The following SCML2 variants were observed in gnomAD, a reference collection of about 807,000 sequenced individuals.
SCML2 encodes Scm polycomb group protein like 2.
In SCML2, 6 loss-of-function variants were observed where a neutral mutation model predicts 48.4. The ratio of observed to expected loss-of-function variants is 0.12; its 90% CI spans 0.07 to 0.24. SCML2 has a LOEUF of 0.24. SCML2 is among the 10% of genes least tolerant of loss of function. The pLI, the probability that SCML2 is intolerant of heterozygous loss-of-function variation, is 1.00. For missense variants in SCML2, 377 were observed against 528.2 expected (o/e 0.71, Z 2.81); for synonymous variants, 181 against 189.5 (o/e 0.95, Z 0.37).
rs1053750366 is a variant in SCML2, at chrX:18,296,203, C to T, written c.730+8769G>A. On this transcript the variant is annotated intron_variant, in intron 7 of 14. Transcript: ENST00000251900. ...TACAAGAGAACACAGATAAATAATA[C>T]AAAGAAATGAGAAAAACAATTCAGG... 3.6e-5 allele frequency among the ~76,000 whole-genome samples: 4 copies of T among 110,179 alleles called. No individual in the cohort carries two copies. The Admixed American group carries it at 3.9e-4, about 11-fold the overall frequency.
In SCML2 at chrX:18,240,869, A is replaced by G. The variant is rs977761542; in HGVS notation, c.*382T>C. 7.9e-5 allele frequency: 9 copies of G among 113,296 alleles called. No individual in the cohort carries two copies. The highest frequency in any genetic ancestry group is 9.3e-5 in the Non-Finnish European group (5 of 53,707). The allele number at this position is 113,296 out of a possible 1,213,427, so 9.3% of individuals were successfully genotyped here. A position where few individuals can be genotyped will look rare whatever the true frequency, so the allele number is the denominator to read the frequency against. On this transcript the variant is annotated 3_prime_UTR_variant, in exon 15 of 15. Transcript: ENST00000251900. ...AATCCCTGATATTTTCCCCTTTGGG[A>G]TTTAGCTGTTTTGGTTCTAGATATA... is the stretch of plus-strand genomic sequence containing the variant.
chrX:18,252,006 GC>G (rs970270876), intron 11 of SCML2, among the ~76,000 whole-genome samples: 1 of 112,587 alleles, frequency 8.9e-6, no homozygotes, highest in Non-Finnish European at 1.9e-5. Flanking sequence ...GGGCACAGTG[GC>G]TCACACCTGT....
intron 6 of SCML2, among the ~76,000 whole-genome samples, chrX:18,314,771 T>C (rs762160820): frequency 9.0e-6 from 1 of 111,342 alleles, no homozygotes; most frequent in African/African-American, 3.3e-5. Flanking sequence ...CATACAAAGA[T>C]TGGGATATAT....
chrX:18,295,171 C>A (rs1158978011), intron 7 of SCML2, among the ~76,000 whole-genome samples: 1 of 111,957 alleles, frequency 8.9e-6, no homozygotes, highest in Non-Finnish European at 1.9e-5. Flanking sequence ...CACACTTGCT[C>A]TGCCTGCTCA....
Position 18,260,274 on chromosome X carries a change from C to A in SCML2, c.966G>T (p.Val322=). The change falls in exon 9 of 15, where the codon GTG becomes GTT. Residue 322 remains valine (V), a synonymous_variant. Coordinates refer to ENST00000251900, the MANE Select transcript of SCML2 (RefSeq NM_006089.3). ...NSGKKEKPLP[V]ICSTSAASLK... is the part of the protein sequence containing the mutation. ...GAGAAGCTGCAGATGTAGAACATAT[C>A]ACGGGCAAAGGTTTTTCCTGTTAAA... is the stretch of plus-strand genomic sequence containing the variant. The A allele has an allele frequency of 1.7e-6, 2 of 1,197,953 alleles. No individual in the cohort carries two copies. Among genetic ancestry groups the A allele is most frequent in the Non-Finnish European group, 2.3e-6 (2 of 888,233 alleles).
rs1459960887 is a variant in SCML2 at position 18,282,225 on chromosome X, A to C, written c.731-16423T>G. ...AAATAAACATGATTGATAGACCACT[A>C]GCTAGGTTAACAAAGAAAAAAAAAG... On this transcript the variant is annotated intron_variant, in intron 7 of 14. Transcript: ENST00000251900. 5.4e-5 allele frequency among the ~76,000 whole-genome samples: 6 copies of C among 111,580 alleles called. No individual in the cohort carries two copies. The Admixed American group carries it at 5.7e-4, about 11-fold the overall frequency.
At chrX:18,271,705 C>T (rs1927469432) in intron 7 of SCML2, among the ~76,000 whole-genome samples, 1 of 108,542 alleles carries the variant, frequency 9.2e-6, no homozygotes, top group African/African-American at 3.4e-5. Flanking sequence ...TAGTATCAGA[C>T]TCCATATATA....
At chrX:18,341,931 T>C (rs1291410290) in intron 1 of SCML2, among the ~76,000 whole-genome samples, 3 of 112,300 alleles carry the variant, frequency 2.7e-5, no homozygotes, top group Non-Finnish European at 3.8e-5. Context: ...TACTATAATC[T>C]ATTGGTAAAT....
intron 13 of SCML2, among the ~76,000 whole-genome samples, chrX:18,244,573 T>C (rs949558802): frequency 1.8e-5 from 2 of 111,762 alleles, no homozygotes; most frequent in African/African-American, 6.5e-5. Context: ...TCAGAGAAGT[T>C]TGCAAGCATT....
At chrX:18,280,707 ATTC>A (rs1405191395) in intron 7 of SCML2, among the ~76,000 whole-genome samples, 1 of 112,146 alleles carries the variant, frequency 8.9e-6, no homozygotes, top group African/African-American at 3.2e-5. Context: ...AGGAGTCGCT[ATTC>A]TTATATCAGA....
chrX:18,261,433 T>C (rs1484166439), intron 8 of SCML2, among the ~76,000 whole-genome samples: 1 of 109,914 alleles, frequency 9.1e-6, no homozygotes, highest in East Asian at 2.8e-4. Flanking sequence ...ACACTGCAAA[T>C]TGAATAAAGG....
intron 7 of SCML2, among the ~76,000 whole-genome samples, chrX:18,275,289 G>T: frequency 8.9e-6 from 1 of 112,145 alleles, no homozygotes; most frequent in Non-Finnish European, 1.9e-5. Flanking sequence ...ATCTGCTCAG[G>T]CTTCCATTCT....
intron 7 of SCML2, among the ~76,000 whole-genome samples, chrX:18,300,786 G>A (rs1396739637): frequency 1.6e-4 from 16 of 99,656 alleles, no homozygotes; most frequent in East Asian, 3.1e-4. Flanking sequence ...GCAAGACTCC[G>A]TTTCAAAAAA....
At chrX:18,270,774 A>C (rs142602101) in intron 7 of SCML2, among the ~76,000 whole-genome samples, 4,339 of 111,479 alleles carry the variant, frequency 0.039, 229 homozygotes, top group African/African-American at 0.13. Context: ...TGTTTAAATA[A>C]GGTTAAAACT....
At chrX:18,284,258 A>C (rs1421545280) in intron 7 of SCML2, among the ~76,000 whole-genome samples, 1 of 112,269 alleles carries the variant, frequency 8.9e-6, no homozygotes, top group African/African-American at 3.2e-5. Context: ...CATATACAAA[A>C]ATTAACTCAA....
At chrX:18,310,673 T>C (rs985149162) in intron 6 of SCML2, among the ~76,000 whole-genome samples, 3 of 108,577 alleles carry the variant, frequency 2.8e-5, no homozygotes, top group Non-Finnish European at 5.7e-5. Flanking sequence ...TGGACTCAAA[T>C]CTCCTGGGCT....
intron 5 of SCML2, among the ~76,000 whole-genome samples, chrX:18,320,726 C>G (rs1226295868): frequency 9.0e-6 from 1 of 111,105 alleles, no homozygotes; most frequent in Non-Finnish European, 1.9e-5. Flanking sequence ...CCTAGGAGAG[C>G]TTCCATTCCA....
intron 9 of SCML2, among the ~76,000 whole-genome samples, chrX:18,258,861 TAA>T (rs750195910): frequency 1.3e-4 from 15 of 111,670 alleles, no homozygotes; most frequent in African/African-American, 4.5e-4. Flanking sequence ...TTCCTTAGTA[TAA>T]TAAAAGCATA....
chrX:18,286,935 T>A (rs770349621), intron 7 of SCML2, among the ~76,000 whole-genome samples: 54 of 110,690 alleles, frequency 4.9e-4, no homozygotes, highest in Admixed American at 2.4e-3. Flanking sequence ...TTAACCCTTG[T>A]TGGACCTTGC....
Sources: allele counts gnomAD v4.1 joint callset (sites outside exome capture counted in the v4.1 genomes callset), GRCh38; gene constraint gnomAD v4.1.1; transcripts MANE v1.5; gene names NCBI Gene and HGNC (gene_info 2026-07-23, HGNC 2026-07-21).